The following ARMH3 variants were observed in gnomAD, a reference collection of about 807,000 sequenced individuals.
The protein encoded by ARMH3 is armadillo like helical domain containing 3.
In ARMH3, 60 loss-of-function variants were observed where a neutral mutation model predicts 99.1. That is an observed-to-expected ratio of 0.61 (90% confidence interval 0.49 to 0.75). The LOEUF is 0.75. Ranked by LOEUF, ARMH3 falls within the 30% of genes least tolerant of loss-of-function variation. The pLI, the probability that ARMH3 is intolerant of heterozygous loss-of-function variation, is 0.00. For synonymous variants in ARMH3, 285 were observed against 292.8 expected (o/e 0.97, Z 0.27); for missense variants, 679 against 843.1 (o/e 0.81, Z 2.41).
chr10:101,957,203 T>C lies in ARMH3; in HGVS notation c.1578+447A>G, dbSNP rs1845079919. 2.0e-5 allele frequency among the ~76,000 whole-genome samples: 3 copies of C among 152,202 alleles called. No homozygotes were observed. In the South Asian group the frequency reaches 6.2e-4, roughly 31 times the overall value. ...GAACATTTAAGAACACATTGTATAA[T>C]ATCCTAAGAAGATAGTCAAAATGCA... On this transcript the variant is annotated intron_variant, in intron 21 of 25. Coordinates refer to ENST00000370033, the MANE Select transcript of ARMH3 (RefSeq NM_024541.3).
At chr10:102,051,418 A>T (rs1158330199) in intron 1 of ARMH3, among the ~76,000 whole-genome samples, 1 of 151,488 alleles carries the variant, frequency 6.6e-6, no homozygotes, top group East Asian at 1.9e-4. Context: ...AGTTGCAGTG[A>T]GCCAAGACTG....
chr10:102,009,598 G>T (rs184639782), intron 12 of ARMH3, 149 bp from the exon 13 acceptor site: 5 of 730,764 alleles, frequency 6.8e-6, no homozygotes, highest in African/African-American at 5.3e-5. Flanking sequence ...CCATTTGGGC[G>T]TATGCAAAAG....
In ARMH3 at chr10:101,926,796, C is replaced by T. The variant is rs535989407; in HGVS notation, c.1781+13067G>A. 2.6e-5 allele frequency among the ~76,000 whole-genome samples: 4 copies of T among 151,914 alleles called. No individual in the cohort carries two copies. In the East Asian group the frequency reaches 7.7e-4, roughly 29 times the overall value. ...TCAGGTGAAAACAAAATTTTTTTTC[C>T]TACCTTGGAATTAATAATAATTAGG... is the stretch of plus-strand genomic sequence containing the variant. On this transcript the variant is annotated intron_variant, in intron 23 of 25. Transcript: ENST00000370033.
rs2067373050 is a variant in ARMH3, at chr10:102,040,053, A to G, written c.62T>C (p.Leu21Pro). Residue 21 changes from leucine (L) to proline (P), a missense_variant, in exon 2 of 26, where the codon CTG (leucine) becomes CCG (proline). Coordinates refer to ENST00000370033, the MANE Select transcript of ARMH3 (RefSeq NM_024541.3). Reference protein sequence around the residue: ...LRKSSASKKPLKEKVVLMYDE... With the variant: ...LRKSSASKKPPKEKVVLMYDE... ...ATACATCAGCACCACTTTTTCCTTCAGTGGTTTTTTGGAGGCTGAAGATTT... is the reference window on the plus strand; with the variant it reads ...ATACATCAGCACCACTTTTTCCTTCGGTGGTTTTTTGGAGGCTGAAGATTT... The G allele has an allele frequency of 1.9e-6, 3 of 1,614,190 alleles. No homozygotes were observed. Among genetic ancestry groups the G allele is most frequent in the Non-Finnish European group, 2.5e-6 (3 of 1,180,028 alleles).
rs370469830 is a variant in ARMH3, at chr10:101,990,619, G to C, written c.1346-8C>G. On this transcript the variant is annotated splice_polypyrimidine_tract_variant and splice_region_variant and intron_variant, in intron 18 of 25. Transcript: ENST00000370033. ...TAAACTCTACCATCAGGTCTGAAAG[G>C]GGAATAGAGAAAAACTGGATCAATT... The C allele has an allele frequency of 1.1e-4, 175 of 1,599,244 alleles. 1 individual carries two copies. The highest frequency in any genetic ancestry group is 6.8e-5 in the Admixed American group (4 of 58,776).
At chr10:101,873,120 C>T (rs1261925632) in intron 24 of ARMH3, among the ~76,000 whole-genome samples, 1 of 151,462 alleles carries the variant, frequency 6.6e-6, no homozygotes, top group Admixed American at 6.6e-5. Flanking sequence ...AACAGCGTGG[C>T]AGGCCGGGCA....
At position 101,931,733 on chromosome 10, in the gene ARMH3, C is replaced by T. The variant is rs527942975; in HGVS notation, c.1781+8130G>A. ...AGGAGTTCAAGATTAGCCTGGGCAACGTAGCAAGACCCTACCTCAAAAAAC... is the reference window on the plus strand; with the variant it reads ...AGGAGTTCAAGATTAGCCTGGGCAATGTAGCAAGACCCTACCTCAAAAAAC... On this transcript the variant is annotated intron_variant, in intron 23 of 25. Coordinates refer to ENST00000370033, the MANE Select transcript of ARMH3 (RefSeq NM_024541.3). Among the ~76,000 whole-genome samples the T allele has an allele frequency of 1.2e-4, 19 of 152,084 alleles. No homozygotes were observed. The East Asian group carries it at 2.1e-3, about 17-fold the overall frequency.
intron 20 of ARMH3, among the ~76,000 whole-genome samples, chr10:101,964,097 C>T (rs982371382): frequency 2.0e-5 from 3 of 152,096 alleles, no homozygotes; most frequent in African/African-American, 7.2e-5. Flanking sequence ...AGGATAGTCT[C>T]GATCTCCTGA....
In ARMH3 at chr10:102,006,557, G is replaced by A. The variant is rs2066493229; in HGVS notation, c.1031C>T (p.Thr344Ile). 1 of 1,613,944 alleles carries A rather than the reference G, an allele frequency of 6.2e-7. No homozygotes were observed. Among genetic ancestry groups the A allele is most frequent in the Non-Finnish European group, 8.5e-7 (1 of 1,179,840 alleles). Residue 344 changes from threonine (T) to isoleucine (I), a missense_variant, in exon 14 of 26, where the codon ACA becomes ATA. By Grantham distance (89) the Thr-to-Ile change is moderately conservative. Around this residue, in one of 3 missense-constraint regions of ARMH3, gnomAD observed 389 missense variants for 456.5 expected, o/e 0.85. Transcript: ENST00000370033. ...GGGCTCACCATCAGAGGAAGGCGGT[G>A]TGGTCCCAAGTGGTGTGACTGGGGT... The part of the protein sequence containing the change: ...PTTPVTPLGT[T>I]PPSSDVISSV...
At chr10:101,873,067 A>C (rs550293528) in intron 24 of ARMH3, among the ~76,000 whole-genome samples, 1 of 152,070 alleles carries the variant, frequency 6.6e-6, no homozygotes, top group Admixed American at 6.6e-5. Flanking sequence ...GAACTTTCGT[A>C]TGTTCGTTGA....
intron 2 of ARMH3, among the ~76,000 whole-genome samples, chr10:102,034,152 G>A (rs1564870431): frequency 6.6e-6 from 1 of 152,162 alleles, no homozygotes; most frequent in Non-Finnish European, 1.5e-5. Context: ...ATGCTGTGTT[G>A]ACTGCTTCTA....
chr10:102,002,140 C>A, intron 14 of ARMH3, 68 bp from the exon 15 acceptor site: 1 of 1,581,212 alleles, frequency 6.3e-7, no homozygotes. Flanking sequence ...ACCCACATAG[C>A]CAATTTGCCA....
At chr10:101,848,813 C>T (rs1402507866) in intron 25 of ARMH3, among the ~76,000 whole-genome samples, 1 of 152,138 alleles carries the variant, frequency 6.6e-6, no homozygotes, top group African/African-American at 2.4e-5. Flanking sequence ...AGAACTTCCT[C>T]CACATCAACT....
At chr10:101,910,531 A>C (rs1590004041) in intron 23 of ARMH3, among the ~76,000 whole-genome samples, 1 of 151,928 alleles carries the variant, frequency 6.6e-6, no homozygotes, top group African/African-American at 2.4e-5. Flanking sequence ...GGAGTTCGAG[A>C]CCAGCCTGGC....
At chr10:101,912,149 C>T (rs1031731308) in intron 23 of ARMH3, among the ~76,000 whole-genome samples, 11 of 152,162 alleles carry the variant, frequency 7.2e-5, no homozygotes, top group African/African-American at 1.9e-4. Context: ...AATCCCAGCA[C>T]TTACGGAGGC....
At chr10:101,850,200 C>T (rs541566040) in intron 24 of ARMH3, among the ~76,000 whole-genome samples, 3 of 147,862 alleles carry the variant, frequency 2.0e-5, no homozygotes, top group Non-Finnish European at 3.0e-5. Flanking sequence ...CAGGTTCAAG[C>T]GATTCTCCTG....
At chr10:102,030,972 G>C (rs1260643940) in intron 4 of ARMH3, among the ~76,000 whole-genome samples, 1 of 151,138 alleles carries the variant, frequency 6.6e-6, no homozygotes, top group Non-Finnish European at 1.5e-5. Context: ...TTTTTTAATA[G>C]AGACAGGTTT....
intron 24 of ARMH3, among the ~76,000 whole-genome samples, chr10:101,878,763 C>G (rs1416755148): frequency 6.6e-6 from 1 of 151,806 alleles, no homozygotes. Context: ...GGAATTGGAG[C>G]CTGCAGTGAG....
intron 8 of ARMH3, among the ~76,000 whole-genome samples, chr10:102,015,946 CA>C (rs2066740759): frequency 6.6e-6 from 1 of 152,114 alleles, no homozygotes; most frequent in Non-Finnish European, 1.5e-5. Flanking sequence ...CCAGCTTGGG[CA>C]ACATGGCAAA....
Sources: allele counts gnomAD v4.1 joint callset (sites outside exome capture counted in the v4.1 genomes callset), GRCh38; gene constraint gnomAD v4.1.1; regional missense constraint gnomAD v4.1.1; transcripts MANE v1.5; gene names NCBI Gene and HGNC (gene_info 2026-07-23, HGNC 2026-07-21).